The following PDE3B variants were observed in gnomAD, a reference collection of about 807,000 sequenced individuals.
The protein encoded by PDE3B is phosphodiesterase 3B.
A neutral mutation model predicts 116.8 loss-of-function variants in PDE3B; 66 were observed. The observed-to-expected ratio is 0.56, with a 90% CI of 0.46 to 0.69. PDE3B has a LOEUF of 0.69. PDE3B is among the 30% of genes least tolerant of loss of function. The pLI is 0.00. For synonymous variants in PDE3B, 595 were observed against 533.6 expected (o/e 1.12, Z -1.59); for missense variants, 1,384 against 1,368.1 (o/e 1.01, Z -0.18).
intron 14 of PDE3B, 73 bp from the exon 15 acceptor site, chr11:14,867,433 T>C: frequency 7.5e-7 from 1 of 1,330,720 alleles, no homozygotes; most frequent in African/African-American, 1.5e-5. Context: ...AAACTCAAGA[T>C]AATTTTAACA....
chr11:14,741,619 G>C (rs749334431), intron 1 of PDE3B, among the ~76,000 whole-genome samples: 49 of 152,100 alleles, frequency 3.2e-4, no homozygotes, highest in Non-Finnish European at 6.3e-4. Flanking sequence ...GTGTGAATTT[G>C]ATCCTGTCAT....
chr11:14,728,089 A>G (rs550303208), intron 1 of PDE3B, among the ~76,000 whole-genome samples: 29 of 152,202 alleles, frequency 1.9e-4, no homozygotes, highest in African/African-American at 6.5e-4. Context: ...TTTATAATAT[A>G]TGCATATGTT....
chr11:14,752,752 T>G (rs1857087249), intron 1 of PDE3B, among the ~76,000 whole-genome samples: 1 of 152,172 alleles, frequency 6.6e-6, no homozygotes, highest in Non-Finnish European at 1.5e-5. Context: ...ATCCTTCATT[T>G]AGGTATTACT....
intron 4 of PDE3B, among the ~76,000 whole-genome samples, chr11:14,799,258 A>G (rs1438971827): frequency 1.3e-5 from 2 of 152,134 alleles, no homozygotes; most frequent in Admixed American, 1.3e-4. Context: ...GAGTTTCCTA[A>G]TCCTGAGTTC....
intron 1 of PDE3B, among the ~76,000 whole-genome samples, chr11:14,659,522 C>G (rs1454577107): frequency 1.3e-5 from 2 of 152,136 alleles, no homozygotes; most frequent in Non-Finnish European, 2.9e-5. Flanking sequence ...AAAAACTTTT[C>G]TTTAAGTTCA....
At chr11:14,854,949 A>AT (rs1847821920) in intron 12 of PDE3B, among the ~76,000 whole-genome samples, 1 of 152,240 alleles carries the variant, frequency 6.6e-6, no homozygotes, top group Non-Finnish European at 1.5e-5. Flanking sequence ...GAAGCATCTA[A>AT]TTATTTTTTT....
chr11:14,845,109 C>T (rs900734796), intron 12 of PDE3B, among the ~76,000 whole-genome samples: 4 of 151,972 alleles, frequency 2.6e-5, no homozygotes, highest in African/African-American at 9.7e-5. Context: ...AGACTGACAC[C>T]TCACACGGCT....
At chr11:14,653,185 G>A (rs1793188200) in intron 1 of PDE3B, among the ~76,000 whole-genome samples, 3 of 151,822 alleles carry the variant, frequency 2.0e-5, no homozygotes, top group African/African-American at 7.3e-5. Flanking sequence ...GAATCTTCAG[G>A]GTCTTAACTT....
intron 1 of PDE3B, among the ~76,000 whole-genome samples, chr11:14,771,514 C>T (rs931773954): frequency 3.3e-5 from 5 of 151,708 alleles, no homozygotes; most frequent in African/African-American, 1.2e-4. Context: ...GGACAACAAG[C>T]TTTTCAAAAT....
At chr11:14,868,435 G>A (rs868967399) in intron 15 of PDE3B, among the ~76,000 whole-genome samples, 2 of 152,004 alleles carry the variant, frequency 1.3e-5, no homozygotes, top group African/African-American at 4.8e-5. Context: ...TCAAAACAGT[G>A]GGGGGGAGGG....
intron 1 of PDE3B, among the ~76,000 whole-genome samples, chr11:14,725,661 C>A (rs573743662): frequency 7.0e-6 from 1 of 143,420 alleles, no homozygotes; most frequent in South Asian, 2.4e-4. Flanking sequence ...TCTTATACTC[C>A]ATATTCAGTC....
At chr11:14,708,420 G>T (rs1407696855) in intron 1 of PDE3B, among the ~76,000 whole-genome samples, 1 of 151,976 alleles carries the variant, frequency 6.6e-6, no homozygotes. Context: ...ACAAAAAATG[G>T]AATAAGACAT....
intron 11 of PDE3B, among the ~76,000 whole-genome samples, chr11:14,835,607 AAATAT>A (rs1430596805): frequency 7.9e-5 from 12 of 152,332 alleles, no homozygotes; most frequent in African/African-American, 2.9e-4. Flanking sequence ...TCCTTATCAT[AAATAT>A]AATAGTTTAT....
chr11:14,861,510 G>A, intron 14 of PDE3B, 144 bp downstream of exon 14: 2 of 730,218 alleles, frequency 2.7e-6, no homozygotes, highest in Non-Finnish European at 4.5e-6. Context: ...ATTTGCTTTG[G>A]TTCTTAGTAT....
chr11:14,816,687 T>G (rs1442511839), intron 5 of PDE3B, among the ~76,000 whole-genome samples: 2 of 152,252 alleles, frequency 1.3e-5, no homozygotes, highest in Non-Finnish European at 2.9e-5. Flanking sequence ...CAGCATATAG[T>G]AAGCTCTAAA....
At chr11:14,650,023 G>A (rs895096878) in intron 1 of PDE3B, among the ~76,000 whole-genome samples, 1 of 150,964 alleles carries the variant, frequency 6.6e-6, no homozygotes, top group Non-Finnish European at 1.5e-5. Context: ...CCTGTTCTTA[G>A]AACTTGGGGC....
intron 11 of PDE3B, among the ~76,000 whole-genome samples, chr11:14,836,302 A>T (rs567226725): frequency 1.2e-4 from 19 of 152,238 alleles, no homozygotes; most frequent in Non-Finnish European, 4.4e-5. Flanking sequence ...ACAAGTCAAG[A>T]CTTAGGTCAT....
chr11:14,721,662 A>G (rs1301647997), intron 1 of PDE3B, among the ~76,000 whole-genome samples: 1 of 136,508 alleles, frequency 7.3e-6, no homozygotes, highest in Non-Finnish European at 1.5e-5. Flanking sequence ...TTCTCAGTAA[A>G]CTATCGCAAG....
At chr11:14,850,164 A>T (rs932056276) in intron 12 of PDE3B, among the ~76,000 whole-genome samples, 2 of 152,012 alleles carry the variant, frequency 1.3e-5, no homozygotes, top group African/African-American at 4.8e-5. Context: ...AGCCATAAAA[A>T]AGGATGAGTT....
Sources: allele counts gnomAD v4.1 joint callset (sites outside exome capture counted in the v4.1 genomes callset), GRCh38; gene constraint gnomAD v4.1.1; transcripts MANE v1.5; gene names NCBI Gene and HGNC (gene_info 2026-07-23, HGNC 2026-07-21).